GAS7: variants seen among roughly 807,000 people sequenced by gnomAD.
GAS7 encodes the protein growth arrest-specific protein 7.
A neutral mutation model predicts 71.1 loss-of-function variants in GAS7; 28 were observed. The ratio of observed to expected loss-of-function variants is 0.39; its 90% confidence interval spans 0.29 to 0.54. The LOEUF (loss-of-function observed/expected upper bound fraction) is 0.54. GAS7 is among the 20% of genes least tolerant of loss of function. GAS7 has a pLI of 0.62. For synonymous variants in GAS7, 258 were observed against 245.8 expected (o/e 1.05, Z -0.46); for missense variants, 436 against 627.8 (o/e 0.69, Z 3.27).
intron 3 of GAS7, among the ~76,000 whole-genome samples, chr17:9,980,343 C>T (rs1172717492): frequency 3.9e-5 from 6 of 152,186 alleles, no homozygotes; most frequent in South Asian, 2.1e-4. Flanking sequence ...ACTCGCTTTG[C>T]GTCCCACCTC....
intron 2 of GAS7, among the ~76,000 whole-genome samples, chr17:10,003,356 G>C (rs1301526128): frequency 6.6e-6 from 1 of 152,224 alleles, no homozygotes; most frequent in African/African-American, 2.4e-5. Flanking sequence ...CATGAGTACA[G>C]TAATATTGAT....
chr17:10,051,989 T>C (rs1184344096), intron 1 of GAS7, among the ~76,000 whole-genome samples: 2 of 152,164 alleles, frequency 1.3e-5, no homozygotes, highest in African/African-American at 4.8e-5. Flanking sequence ...AGTAGTTTAT[T>C]TGACCCTTAT....
chr17:10,063,088 C>T (rs553036123), intron 1 of GAS7, among the ~76,000 whole-genome samples: 1 of 152,362 alleles, frequency 6.6e-6, no homozygotes, highest in Non-Finnish European at 1.5e-5. Context: ...CTGGGTTTGC[C>T]AGAGTGGGCC....
intron 2 of GAS7, among the ~76,000 whole-genome samples, chr17:10,000,785 G>A (rs1015216491): frequency 2.6e-5 from 4 of 152,152 alleles, no homozygotes; most frequent in East Asian, 1.9e-4. Flanking sequence ...CTGTTCTTCC[G>A]CTTCCCAAGG....
At chr17:10,163,276 A>C (rs1212746811) in intron 1 of GAS7, among the ~76,000 whole-genome samples, 2 of 151,854 alleles carry the variant, frequency 1.3e-5, no homozygotes, top group Non-Finnish European at 2.9e-5. Flanking sequence ...ACGCCCGCTA[A>C]TTTTTGTATT....
chr17:9,997,101 C>T (rs1256422745), intron 2 of GAS7, among the ~76,000 whole-genome samples: 1 of 152,086 alleles, frequency 6.6e-6, no homozygotes, highest in Non-Finnish European at 1.5e-5. Context: ...AGAGGTGCTT[C>T]TCAAGGCAAT....
intron 2 of GAS7, among the ~76,000 whole-genome samples, chr17:9,994,989 C>T (rs1191506379): frequency 1.3e-5 from 2 of 152,314 alleles, no homozygotes; most frequent in East Asian, 3.9e-4. Context: ...CTCACCGTGA[C>T]GTGGCAACGG....
At chr17:9,922,667 T>G (rs2067860791) in intron 11 of GAS7, among the ~76,000 whole-genome samples, 1 of 151,998 alleles carries the variant, frequency 6.6e-6, no homozygotes, top group Non-Finnish European at 1.5e-5. Flanking sequence ...AATAAAACTA[T>G]GTAAAAAAAA....
At chr17:10,117,798 T>G (rs1037004344) in intron 1 of GAS7, among the ~76,000 whole-genome samples, 2 of 152,136 alleles carry the variant, frequency 1.3e-5, no homozygotes, top group South Asian at 4.1e-4. Context: ...TGTGGCTCAG[T>G]CCAAGGCTAC....
chr17:9,932,109 G>A (rs1307713303), intron 9 of GAS7, among the ~76,000 whole-genome samples: 3 of 151,856 alleles, frequency 2.0e-5, no homozygotes, highest in East Asian at 1.9e-4. Context: ...ACCCTGCTGT[G>A]TCTGACTAGT....
At chr17:9,953,411 C>G (rs2069099714) in intron 5 of GAS7, among the ~76,000 whole-genome samples, 1 of 152,160 alleles carries the variant, frequency 6.6e-6, no homozygotes, top group East Asian at 1.9e-4. Context: ...TTTCTCCCTC[C>G]CAGGAAGCCC....
chr17:10,177,944 C>A (rs753086656), intron 1 of GAS7, among the ~76,000 whole-genome samples: 15 of 152,068 alleles, frequency 9.9e-5, no homozygotes, highest in Non-Finnish European at 2.9e-5. Flanking sequence ...GAACACCGGC[C>A]GCATTAGGTC....
At chr17:10,005,010 TCTCTCTCG>T (rs1344542308) in intron 2 of GAS7, among the ~76,000 whole-genome samples, 1 of 139,310 alleles carries the variant, frequency 7.2e-6, no homozygotes, top group Non-Finnish European at 1.5e-5. Flanking sequence ...ACTTCATCTC[TCTCTCTCG>T]CTCTCTCTCT....
At chr17:10,027,159 G>C (rs540426593) in intron 1 of GAS7, 1 of 152,172 alleles carries the variant, frequency 6.6e-6, no homozygotes, top group Non-Finnish European at 1.5e-5. Context: ...ATAAGATTCG[G>C]GAAGACAGGG....
chr17:10,047,224 G>A (rs1305415300), intron 1 of GAS7, among the ~76,000 whole-genome samples: 1 of 152,210 alleles, frequency 6.6e-6, no homozygotes, highest in East Asian at 1.9e-4. Context: ...CCCAGCCAAT[G>A]CCCTGGCTGC....
chr17:9,921,180 G>T (rs1485996687), intron 11 of GAS7, among the ~76,000 whole-genome samples: 1 of 141,418 alleles, frequency 7.1e-6, no homozygotes, highest in South Asian at 2.3e-4. Flanking sequence ...TTTTTGAGAC[G>T]GAGTCTGGCT....
chr17:10,112,826 G>GGGAA (rs1455949327), intron 1 of GAS7, among the ~76,000 whole-genome samples: 1 of 149,448 alleles, frequency 6.7e-6, no homozygotes, highest in East Asian at 1.9e-4. Context: ...GGAAGAAAGA[G>GGGAA]GGAAGGAAGG....
At chr17:10,187,477 C>G (rs1411920196) in intron 1 of GAS7, among the ~76,000 whole-genome samples, 1 of 152,160 alleles carries the variant, frequency 6.6e-6, no homozygotes, top group Non-Finnish European at 1.5e-5. Context: ...CTTTTTTAGC[C>G]CTGAACGGCA....
intron 1 of GAS7, among the ~76,000 whole-genome samples, chr17:10,099,790 G>C (rs1296821138): frequency 1.3e-5 from 2 of 152,088 alleles, no homozygotes; most frequent in African/African-American, 2.4e-5. Flanking sequence ...TTCTCCCCAA[G>C]GTATACCCTC....
Sources: allele counts gnomAD v4.1 joint callset (sites outside exome capture counted in the v4.1 genomes callset), GRCh38; gene constraint gnomAD v4.1.1; transcripts MANE v1.5; gene names NCBI Gene and HGNC (gene_info 2026-07-23, HGNC 2026-07-21).